The following FGF13 variants were observed in gnomAD, a reference collection of about 807,000 sequenced individuals.
FGF13 encodes the protein fibroblast growth factor 13.
FGF13 carries 2 observed loss-of-function variants against 19.5 expected under a neutral mutation model. That is an observed-to-expected ratio of 0.10 (90% CI 0.04 to 0.32). The LOEUF (loss-of-function observed/expected upper bound fraction) is 0.32, where lower values mean the gene tolerates loss of function less well. Among genes scored for constraint, FGF13 ranks in the 10% least tolerant of loss-of-function variants. The probability of loss-of-function intolerance (pLI) is 1.00; values close to 1 mark genes in which losing one functional copy is unlikely to be tolerated. For missense variants in FGF13, 113 were observed against 192.7 expected (o/e 0.59, Z 2.45); for synonymous variants, 72 against 76.9 (o/e 0.94, Z 0.33).
intron 3 of FGF13, 98 bp downstream of exon 3, chrX:138,702,886 T>TCA: frequency 3.7e-6 from 2 of 547,580 alleles, no homozygotes; most frequent in East Asian, 3.4e-5. Flanking sequence ...CTTCTCCTCA[T>TCA]CACAGAAATC....
chrX:138,926,615 C>A (rs760977868), intron 1 of FGF13, among the ~76,000 whole-genome samples: 75 of 111,687 alleles, frequency 6.7e-4, no homozygotes, highest in Non-Finnish European at 1.2e-3. Flanking sequence ...GTTGAACAAA[C>A]AACCAGTGCA....
At chrX:139,164,239 A>G (rs1177025372) in intron 1 of FGF13, among the ~76,000 whole-genome samples, 2 of 110,467 alleles carry the variant, frequency 1.8e-5, no homozygotes, top group African/African-American at 6.6e-5. Flanking sequence ...ATATCTCCCA[A>G]TGGGTTTTCA....
At chrX:138,761,993 G>C (rs2090470847) in intron 3 of FGF13, among the ~76,000 whole-genome samples, 1 of 108,337 alleles carries the variant, frequency 9.2e-6, no homozygotes, top group Non-Finnish European at 1.9e-5. Context: ...ATAATAGAAA[G>C]GTTCTATACC....
At chrX:138,853,425 T>C (rs983178681), downstream of FGF13, among the ~76,000 whole-genome samples, 2 of 111,302 alleles carry the variant, frequency 1.8e-5, no homozygotes, top group Admixed American at 1.9e-4. Flanking sequence ...ACAGACATGG[T>C]AGTTACAAAT....
chrX:138,835,920 C>T (rs1025584959), intron 3 of FGF13, among the ~76,000 whole-genome samples: 3 of 110,105 alleles, frequency 2.7e-5, no homozygotes, highest in Non-Finnish European at 3.8e-5. Context: ...AAGCTTAGTT[C>T]GGCCAGATAT....
intron 1 of FGF13, among the ~76,000 whole-genome samples, chrX:138,948,749 C>T (rs967083554): frequency 8.9e-6 from 1 of 111,949 alleles, no homozygotes; most frequent in African/African-American, 3.2e-5. Flanking sequence ...GTGTAGACAA[C>T]TGAATTCCTG....
chrX:139,204,583 C>G (rs2148286522), upstream of FGF13, among the ~76,000 whole-genome samples: 1 of 113,010 alleles, frequency 8.8e-6, no homozygotes, highest in Non-Finnish European at 1.9e-5. Context: ...CGCGCACTGG[C>G]AGGCTGCTTT....
In FGF13 at chrX:139,078,651, T is replaced by C. The variant is rs144334182; in HGVS notation, c.-113+124765A>G. Among the ~76,000 whole-genome samples the C allele has an allele frequency of 5.3e-3, 597 of 112,958 alleles. 3 individuals are homozygous for C. The highest frequency in any genetic ancestry group is 0.018 in the African/African-American group (564 of 31,135). ...GGTTTCTGTCTACATCCTCTGCTTC[T>C]ATTTTCTTTGATAAGATTAGTGAAC... On this transcript the variant is annotated intron_variant, in intron 1 of 2. Coordinates refer to the FGF13 transcript ENST00000421460.
intron 1 of FGF13, among the ~76,000 whole-genome samples, chrX:139,126,151 T>C (rs954764063): frequency 8.9e-6 from 1 of 112,153 alleles, no homozygotes; most frequent in Non-Finnish European, 1.9e-5. Context: ...CAAGGCCGAG[T>C]TGAGTCATTG....
intron 1 of FGF13, among the ~76,000 whole-genome samples, chrX:138,972,664 T>C (rs1350328290): frequency 9.0e-6 from 1 of 111,121 alleles, no homozygotes; most frequent in Admixed American, 9.6e-5. Context: ...GCCCTCACCA[T>C]CATTTTTTAT....
intron 1 of FGF13, among the ~76,000 whole-genome samples, chrX:139,166,103 AT>A (rs965105442): frequency 2.7e-5 from 3 of 111,223 alleles, no homozygotes; most frequent in Non-Finnish European, 5.7e-5. Flanking sequence ...AGGACATGAG[AT>A]TTGGTAGGGG....
intron 1 of FGF13, among the ~76,000 whole-genome samples, chrX:139,141,941 T>G (rs138100413): frequency 0.011 from 1,238 of 111,808 alleles, 19 homozygotes; most frequent in African/African-American, 0.038. Context: ...ATGTCATGGG[T>G]TTTGTGTGCC....
chrX:138,705,773 T>C (rs1313131877), intron 2 of FGF13, among the ~76,000 whole-genome samples: 1 of 112,366 alleles, frequency 8.9e-6, no homozygotes, highest in Non-Finnish European at 1.9e-5. Context: ...TTTGTTTCTC[T>C]ATATCTGGTA....
At chrX:139,053,414 T>C (rs1263617266) in intron 1 of FGF13, among the ~76,000 whole-genome samples, 3 of 95,659 alleles carry the variant, frequency 3.1e-5, no homozygotes, top group African/African-American at 1.4e-4. Flanking sequence ...CAGCATCTAC[T>C]GTTTTTTTTT....
At chrX:138,904,453 G>T (rs147050379) in intron 1 of FGF13, among the ~76,000 whole-genome samples, 3,028 of 111,707 alleles carry the variant, frequency 0.027, 101 homozygotes, top group African/African-American at 0.094. Context: ...ACCTACCAGG[G>T]TCCAAGCCCT....
At position 138,769,809 on chromosome X, in the gene FGF13, A is replaced by G. The variant is rs375260661; in HGVS notation, c.218-60881T>C. Among the ~76,000 whole-genome samples, 5 of 112,565 alleles carry G rather than the reference A, an allele frequency of 4.4e-5. No homozygotes were observed. In the South Asian group the frequency reaches 1.8e-3, roughly 41 times the overall value. On this transcript the variant is annotated intron_variant, in intron 3 of 6. Transcript: ENST00000436198. ...CAGCCCACCTTGTGTCCGGCCTCTC[A>G]TGCTGCCCACTATCAATGAATCACC...
intron 3 of FGF13, among the ~76,000 whole-genome samples, chrX:138,845,119 T>C (rs2091172742): frequency 9.0e-6 from 1 of 111,238 alleles, no homozygotes; most frequent in Non-Finnish European, 1.9e-5. Context: ...AGAGCCAACC[T>C]ATAGCCCAAG....
intron 3 of FGF13, among the ~76,000 whole-genome samples, chrX:138,778,788 G>C (rs141233089): frequency 5.3e-5 from 6 of 112,566 alleles, no homozygotes; most frequent in South Asian, 3.7e-4. Context: ...AAAGCAGCCC[G>C]GAAGCTCGAA....
chrX:138,849,169 T>C (rs1447344640), intron 3 of FGF13, among the ~76,000 whole-genome samples: 2 of 111,651 alleles, frequency 1.8e-5, no homozygotes, highest in Non-Finnish European at 3.8e-5. Context: ...AAGATGTTCA[T>C]CTGTATTATC....
Sources: gnomAD v4.1 joint callset for allele counts (sites outside exome capture counted in the v4.1 genomes callset) on GRCh38, gnomAD v4.1.1 for gene constraint, MANE v1.5 for transcripts, NCBI Gene and HGNC (gene_info 2026-07-23, HGNC 2026-07-21) for gene names.